Variants in KALRN observed in about 807,000 individuals in gnomAD.
KALRN encodes kalirin RhoGEF kinase, also known as kalirin.
KALRN carries 70 observed loss-of-function variants against 353.7 expected under a neutral mutation model. The ratio of observed to expected loss-of-function variants is 0.20; its 90% CI spans 0.16 to 0.24. The LOEUF (loss-of-function observed/expected upper bound fraction) is 0.24, where lower values mean the gene tolerates loss of function less well. Among genes scored for constraint, KALRN ranks in the 10% least tolerant of loss-of-function variants. The probability of loss-of-function intolerance (pLI) is 1.00; values close to 1 mark genes in which losing one functional copy is unlikely to be tolerated. For synonymous variants in KALRN, 1,391 were observed against 1,434.8 expected (o/e 0.97, Z 0.69); for missense variants, 2,791 against 3,756.7 (o/e 0.74, Z 6.72).
chr3:124,602,759 A>G (rs995802864), intron 34 of KALRN, among the ~76,000 whole-genome samples: 1 of 152,224 alleles, frequency 6.6e-6, no homozygotes, highest in African/African-American at 2.4e-5. Context: ...AACGATGAAC[A>G]GGTGTGTGAC....
chr3:124,586,297 G>A (rs1275853079), intron 34 of KALRN, among the ~76,000 whole-genome samples: 1 of 152,206 alleles, frequency 6.6e-6, no homozygotes, highest in African/African-American at 2.4e-5. Flanking sequence ...TCGCTCGAAG[G>A]CTGCCCTGCT....
chr3:124,407,328 A>G (rs2091674654), intron 13 of KALRN, among the ~76,000 whole-genome samples: 1 of 151,894 alleles, frequency 6.6e-6, no homozygotes. Flanking sequence ...ATATATATAT[A>G]TATATTTGCT....
At chr3:124,061,083 C>T (rs1298180358) in intron 1 of KALRN, among the ~76,000 whole-genome samples, 1 of 152,226 alleles carries the variant, frequency 6.6e-6, no homozygotes, top group Non-Finnish European at 1.5e-5. Flanking sequence ...ATCCCAAACA[C>T]AGGGCCTTCT....
At chr3:124,701,676 A>G (rs1315467653) in intron 56 of KALRN, among the ~76,000 whole-genome samples, 3 of 152,016 alleles carry the variant, frequency 2.0e-5, no homozygotes, top group Non-Finnish European at 4.4e-5. Context: ...CTCTCTCTGC[A>G]TCCTCCTTAC....
intron 15 of KALRN, among the ~76,000 whole-genome samples, chr3:124,424,213 C>T (rs1301719424): frequency 6.6e-6 from 1 of 152,132 alleles, no homozygotes; most frequent in African/African-American, 2.4e-5. Context: ...CTTTCTGCCC[C>T]ACTCTACCCA....
chr3:124,570,447 G>A (rs894297198), intron 34 of KALRN, among the ~76,000 whole-genome samples: 5 of 152,100 alleles, frequency 3.3e-5, no homozygotes, highest in African/African-American at 1.2e-4. Context: ...AGTATACATG[G>A]GAGTATGATC....
At chr3:124,617,604 G>C (rs190255699) in intron 34 of KALRN, among the ~76,000 whole-genome samples, 1 of 152,134 alleles carries the variant, frequency 6.6e-6, no homozygotes, top group Admixed American at 6.5e-5. Flanking sequence ...CTAAAGTGAA[G>C]GGTTCTTATA....
chr3:124,322,571 C>T (rs934226339), intron 6 of KALRN, among the ~76,000 whole-genome samples: 4 of 152,196 alleles, frequency 2.6e-5, no homozygotes, highest in Non-Finnish European at 5.9e-5. Flanking sequence ...ATCCATTCCT[C>T]TTGGCCATGT....
At position 124,702,820 on chromosome 3, in the gene KALRN, G is replaced by A. The variant is rs537179628; in HGVS notation, c.8075+704G>A. ...TTCTCTTTCTCTCTCTTTCTCACTT[G>A]CAGTATTTTGGTTAGAGAACATTTA... On this transcript the variant is annotated intron_variant, in intron 57 of 59. Coordinates refer to ENST00000682506, the MANE Select transcript of KALRN (RefSeq NM_001388419.1). Among the ~76,000 whole-genome samples, 17 of 152,066 alleles carry A rather than the reference G, an allele frequency of 1.1e-4. No homozygotes were observed. In the South Asian group the frequency reaches 3.1e-3, roughly 28 times the overall value.
chr3:124,357,961 AATG>A (rs1351941392), intron 10 of KALRN, among the ~76,000 whole-genome samples: 2 of 152,160 alleles, frequency 1.3e-5, no homozygotes, highest in East Asian at 3.9e-4. Context: ...CAACTCTAAG[AATG>A]ATAAGAGAGG....
At chr3:124,714,985 C>T (rs1400287049) in intron 58 of KALRN, among the ~76,000 whole-genome samples, 1 of 145,722 alleles carries the variant, frequency 6.9e-6, no homozygotes, top group Non-Finnish European at 1.5e-5. Flanking sequence ...TACTACACTC[C>T]AGCCTAGGCG....
intron 1 of KALRN, among the ~76,000 whole-genome samples, chr3:124,035,378 T>C (rs1165935301): frequency 6.6e-6 from 1 of 152,140 alleles, no homozygotes; most frequent in Non-Finnish European, 1.5e-5. Context: ...AATTCATAAC[T>C]GGGACTAGAA....
At chr3:124,306,320 CT>C (rs1221850756) in intron 6 of KALRN, among the ~76,000 whole-genome samples, 1 of 151,700 alleles carries the variant, frequency 6.6e-6, no homozygotes, top group East Asian at 1.9e-4. Context: ...AAATATGGAG[CT>C]GAAAAATACA....
At chr3:124,407,715 C>G (rs2091720263) in intron 13 of KALRN, 1 of 152,170 alleles carries the variant, frequency 6.6e-6, no homozygotes, top group Non-Finnish European at 1.5e-5. Context: ...AGCACATACA[C>G]TAAACTGAAA....
At chr3:124,043,285 T>C (rs80093797) in intron 1 of KALRN, among the ~76,000 whole-genome samples, 366 of 151,964 alleles carry the variant, frequency 2.4e-3, no homozygotes, top group African/African-American at 8.2e-3. Context: ...GAAGGGAAGA[T>C]TAAAAATAGC....
intron 33 of KALRN, among the ~76,000 whole-genome samples, chr3:124,560,419 C>G (rs2071831785): frequency 6.6e-6 from 1 of 152,226 alleles, no homozygotes; most frequent in Non-Finnish European, 1.5e-5. Flanking sequence ...TTTCAGTCAT[C>G]TAGGCCGGCA....
In KALRN at chr3:124,581,190, T is replaced by C. The variant is rs192424423; in HGVS notation, c.5182+18101T>C. 2.0e-5 allele frequency among the ~76,000 whole-genome samples: 3 copies of C among 152,086 alleles called. No homozygotes were observed. In the East Asian group the frequency reaches 5.8e-4, roughly 29 times the overall value. On this transcript the variant is annotated intron_variant, in intron 34 of 59. Coordinates refer to ENST00000682506, the MANE Select transcript of KALRN (RefSeq NM_001388419.1). ...ATTGAGAGTAGGATGAATTCCTGGG[T>C]TATAAGAATTAGTAGAGGCTGGGTA...
chr3:124,533,793 G>C (rs562316776), intron 33 of KALRN, among the ~76,000 whole-genome samples: 16 of 152,308 alleles, frequency 1.1e-4, no homozygotes, highest in African/African-American at 3.8e-4. Context: ...TCTCCAAAAG[G>C]TGAAGCATAA....
intron 1 of KALRN, among the ~76,000 whole-genome samples, chr3:124,146,906 A>G (rs1217274084): frequency 6.6e-6 from 1 of 151,314 alleles, no homozygotes; most frequent in Non-Finnish European, 1.5e-5. Context: ...AAAAGAAAAA[A>G]AAAGAGGTGG....
Sources: allele counts gnomAD v4.1 joint callset (sites outside exome capture counted in the v4.1 genomes callset), GRCh38; gene constraint gnomAD v4.1.1; transcripts MANE v1.5; gene names NCBI Gene and HGNC (gene_info 2026-07-23, HGNC 2026-07-21).